DENND5A: variants seen among roughly 807,000 people sequenced by gnomAD.
DENND5A encodes the protein DENN domain containing 5A, also known as DENN domain-containing protein 5A.
Under a neutral mutation model 140.3 loss-of-function variants are expected in DENND5A, and 64 were observed. The ratio of observed to expected loss-of-function variants is 0.46; its 90% CI spans 0.37 to 0.56. The LOEUF is 0.56. DENND5A is among the 20% of genes least tolerant of loss of function. The pLI is 0.00. For missense variants in DENND5A, 1,292 were observed against 1,593.8 expected (o/e 0.81, Z 3.22); for synonymous variants, 605 against 607.7 (o/e 1.00, Z 0.07).
intron 12 of DENND5A, among the ~76,000 whole-genome samples, chr11:9,156,451 C>A (rs1049940838): frequency 1.7e-4 from 26 of 151,984 alleles, no homozygotes; most frequent in Admixed American, 1.6e-3. Context: ...ATGGTGAAAC[C>A]CCACTTCTGC....
At chr11:9,141,737 A>C (rs1847247418) in intron 22 of DENND5A, among the ~76,000 whole-genome samples, 1 of 152,250 alleles carries the variant, frequency 6.6e-6, no homozygotes, top group Non-Finnish European at 1.5e-5. Context: ...CGTCACTGAC[A>C]AATGTTGTTA....
chr11:9,146,678 A>C (rs911105887), intron 16 of DENND5A: 6 of 172,698 alleles, frequency 3.5e-5, no homozygotes, highest in African/African-American at 1.2e-4. Context: ...TCTCAGGCGA[A>C]AACAAAAGGG....
intron 10 of DENND5A, among the ~76,000 whole-genome samples, chr11:9,166,316 A>T (rs945543092): frequency 6.6e-6 from 1 of 151,980 alleles, no homozygotes; most frequent in Non-Finnish European, 1.5e-5. Flanking sequence ...TGACCTGGTG[A>T]TCCATCTGCC....
chr11:9,197,650 G>A (rs377760272), intron 4 of DENND5A, among the ~76,000 whole-genome samples: 9 of 152,148 alleles, frequency 5.9e-5, no homozygotes, highest in East Asian at 3.9e-4. Flanking sequence ...GGCTGAGATC[G>A]CGCCACTGCA....
At chr11:9,237,882 CAA>C (rs1009388868) in intron 1 of DENND5A, among the ~76,000 whole-genome samples, 1 of 150,288 alleles carries the variant, frequency 6.7e-6, no homozygotes, top group South Asian at 2.1e-4. Context: ...GGCTCCATTT[CAA>C]AAAAAAAGTA....
intron 1 of DENND5A, among the ~76,000 whole-genome samples, chr11:9,262,895 C>T (rs1337975776): frequency 6.6e-6 from 1 of 152,102 alleles, no homozygotes; most frequent in African/African-American, 2.4e-5. Flanking sequence ...GCGCCCGCCA[C>T]CACGCCCGGC....
At chr11:9,142,184 T>C (rs1847268772) in intron 21 of DENND5A, 76 bp from the exon 22 acceptor site, 2 of 1,258,170 alleles carry the variant, frequency 1.6e-6, no homozygotes, top group South Asian at 1.6e-5. Flanking sequence ...CCACTTGCCA[T>C]GGGCCTCTCC....
intron 11 of DENND5A, 149 bp downstream of exon 11, chr11:9,165,687 G>T (rs1848164921): frequency 1.1e-6 from 1 of 903,716 alleles, no homozygotes; most frequent in Non-Finnish European, 1.7e-6. Flanking sequence ...TCCTGCCATG[G>T]TCTCCCAAAG....
chr11:9,244,504 G>A (rs1851380051), intron 1 of DENND5A, among the ~76,000 whole-genome samples: 3 of 152,058 alleles, frequency 2.0e-5, no homozygotes, highest in African/African-American at 7.2e-5. Flanking sequence ...CAAGTAGCTG[G>A]GATTACAGGC....
intron 1 of DENND5A, among the ~76,000 whole-genome samples, chr11:9,219,901 G>A (rs7104221): frequency 0.28 from 43,253 of 152,150 alleles, 6,796 homozygotes; most frequent in South Asian, 0.5. Context: ...AGAATGTGGA[G>A]TAATGCAGTA....
At chr11:9,159,284 A>C (rs2136136967) in intron 12 of DENND5A, among the ~76,000 whole-genome samples, 1 of 151,916 alleles carries the variant, frequency 6.6e-6, no homozygotes, top group Middle Eastern at 3.5e-3. Context: ...ACATAAGATG[A>C]CACTATTATG....
intron 8 of DENND5A, among the ~76,000 whole-genome samples, chr11:9,176,089 ACCTTTTGGCAAAGT>A (rs1415375929): frequency 3.3e-5 from 5 of 152,322 alleles, no homozygotes; most frequent in Admixed American, 3.3e-4. Context: ...CATTAAGATG[ACCTTTTGGCAAAGT>A]CCTTTTGGCA....
chr11:9,144,648 G>A (rs1847362249), intron 18 of DENND5A, among the ~76,000 whole-genome samples: 1 of 152,080 alleles, frequency 6.6e-6, no homozygotes, highest in Non-Finnish European at 1.5e-5. Flanking sequence ...AATTAGCTGG[G>A]CGTGGTGGTG....
chr11:9,181,520 ACCCAGACTGTTG>A (rs955476197), intron 5 of DENND5A, among the ~76,000 whole-genome samples: 40 of 151,958 alleles, frequency 2.6e-4, no homozygotes, highest in Non-Finnish European at 5.4e-4. Flanking sequence ...GATCACTTGA[ACCCAGACTGTTG>A]CCCAGACTGG....
intron 4 of DENND5A, among the ~76,000 whole-genome samples, chr11:9,199,707 A>G (rs1340938153): frequency 1.3e-5 from 2 of 152,198 alleles, no homozygotes; most frequent in East Asian, 3.8e-4. Flanking sequence ...CCTTTTCCCT[A>G]TGTAACACCT....
At chr11:9,146,354 C>T (rs1225060604) in intron 16 of DENND5A, among the ~76,000 whole-genome samples, 1 of 152,194 alleles carries the variant, frequency 6.6e-6, no homozygotes, top group Non-Finnish European at 1.5e-5. Context: ...GTCCATGCTG[C>T]TGAGTAACTG....
At chr11:9,159,258 C>T (rs1280261754) in intron 12 of DENND5A, among the ~76,000 whole-genome samples, 1 of 151,776 alleles carries the variant, frequency 6.6e-6, no homozygotes, top group Admixed American at 6.6e-5. Context: ...TGATAAATAT[C>T]TGGGTCATAA....
At chr11:9,154,112 T>C (rs1564884754) in intron 12 of DENND5A, among the ~76,000 whole-genome samples, 2 of 152,228 alleles carry the variant, frequency 1.3e-5, no homozygotes, top group Non-Finnish European at 1.5e-5. Flanking sequence ...ATAATAATGA[T>C]AGAAGCTACC....
At position 9,206,708 on chromosome 11, in the gene DENND5A, C is replaced by G. The variant is rs767660814; in HGVS notation, c.256G>C (p.Glu86Gln). The G allele has an allele frequency of 2.9e-5, 46 of 1,613,894 alleles. 1 individual carries two copies. The highest frequency in any genetic ancestry group is 2.2e-4 in the Admixed American group (13 of 60,008). Reference protein sequence around the residue: ...KVLARYPENVEWNPFDQDAVG... With the variant: ...KVLARYPENVQWNPFDQDAVG... The stretch of plus-strand genomic sequence containing the variant: ...GCATCTTGGTCAAAGGGATTCCATT[C>G]TACGTTCTCAGGATATCGTGCAAGG... Residue 86 changes from glutamate to glutamine, a missense_variant, in exon 3 of 23, where the codon GAA becomes CAA. Transcript: ENST00000328194.
Sources: gnomAD v4.1 joint callset for allele counts (sites outside exome capture counted in the v4.1 genomes callset) on GRCh38, gnomAD v4.1.1 for gene constraint, MANE v1.5 for transcripts, NCBI Gene and HGNC (gene_info 2026-07-23, HGNC 2026-07-21) for gene names.